Variants in PCNX2 observed in about 807,000 individuals in gnomAD.
PCNX2 encodes pecanex 2.
A neutral mutation model predicts 223.8 loss-of-function variants in PCNX2; 168 were observed. The observed-to-expected ratio is 0.75, with a 90% CI of 0.66 to 0.85. The LOEUF (loss-of-function observed/expected upper bound fraction) is 0.85, where lower values mean the gene tolerates loss of function less well. Among genes scored for constraint, PCNX2 ranks in the 40% least tolerant of loss-of-function variants. PCNX2 has a pLI of 0.00. For missense variants in PCNX2, 2,507 were observed against 2,675.5 expected (o/e 0.94, Z 1.39); for synonymous variants, 1,006 against 1,052.6 (o/e 0.96, Z 0.86).
intron 22 of PCNX2, 79 bp from the exon 23 acceptor site, chr1:233,090,269 T>C: frequency 6.7e-7 from 1 of 1,501,626 alleles, no homozygotes; most frequent in South Asian, 1.3e-5. Context: ...TTTGATGAGT[T>C]TTCACTAAAG....
In PCNX2 at chr1:233,017,463, G is replaced by A. The variant is rs574242420; in HGVS notation, c.4606-309C>T. 7.9e-5 allele frequency among the ~76,000 whole-genome samples: 12 copies of A among 151,812 alleles called. No individual in the cohort carries two copies. In the South Asian group the frequency reaches 8.4e-4, roughly 11 times the overall value. On this transcript the variant is annotated intron_variant, in intron 26 of 33. Transcript: ENST00000258229. ...CTCCCAAGTAGCTGGGACTACAGGC[G>A]CCCGCCACCACGCCCAGCTAATTTT...
At position 233,196,819 on chromosome 1, in the gene PCNX2, AACTT is replaced by A. The variant is rs147959176; in HGVS notation, c.3066+2116_3066+2119del. 2.1e-4 allele frequency among the ~76,000 whole-genome samples: 32 copies of A among 152,314 alleles called. 1 individual carries two copies. In the East Asian group the frequency reaches 5.2e-3, roughly 25 times the overall value. Reference sequence around the variant, plus strand: ...GCAATTTCTTATAAAGTTAAATAAAAACTTACCATGTGATCTAGCAATCTCACTC... The same window carrying A: ...GCAATTTCTTATAAAGTTAAATAAAAACCATGTGATCTAGCAATCTCACTC... On this transcript the variant is annotated intron_variant, in intron 15 of 33. Transcript: ENST00000258229.
intron 15 of PCNX2, among the ~76,000 whole-genome samples, chr1:233,186,132 G>A (rs1680082267): frequency 6.6e-6 from 1 of 152,162 alleles, no homozygotes; most frequent in African/African-American, 2.4e-5. Flanking sequence ...TGATTATAAA[G>A]TGAATATCAA....
chr1:233,230,741 A>T (rs1474698270), intron 9 of PCNX2, among the ~76,000 whole-genome samples: 1 of 152,176 alleles, frequency 6.6e-6, no homozygotes, highest in Non-Finnish European at 1.5e-5. Flanking sequence ...CCCCATATGG[A>T]TTAGTGTTTA....
intron 32 of PCNX2, among the ~76,000 whole-genome samples, chr1:232,988,165 A>G (rs1669560976): frequency 6.6e-6 from 1 of 152,244 alleles, no homozygotes; most frequent in Non-Finnish European, 1.5e-5. Context: ...AGTGTCTGGC[A>G]AGGCCGGACG....
chr1:233,314,230 T>A, the PCNX2 span, among the ~76,000 whole-genome samples: 2 of 151,994 alleles, frequency 1.3e-5, no homozygotes. Flanking sequence ...ACATATATAT[T>A]TAGAGAGAGA....
the PCNX2 span, among the ~76,000 whole-genome samples, chr1:233,302,970 A>G: frequency 6.6e-6 from 1 of 152,194 alleles, no homozygotes; most frequent in Non-Finnish European, 1.5e-5. Flanking sequence ...TCTGCACTCT[A>G]AAAGTGCAGT....
At chr1:233,166,603 A>G (rs372133188) in intron 17 of PCNX2, among the ~76,000 whole-genome samples, 1 of 152,206 alleles carries the variant, frequency 6.6e-6, no homozygotes, top group East Asian at 1.9e-4. Context: ...AGATATACAG[A>G]TGGCAAATGG....
chr1:232,987,980 C>T (rs1029730284), intron 32 of PCNX2, among the ~76,000 whole-genome samples: 1 of 152,232 alleles, frequency 6.6e-6, no homozygotes, highest in Non-Finnish European at 1.5e-5. Flanking sequence ...TGAGTGTGCT[C>T]AGCCCCTCGC....
At chr1:233,247,167 G>A (rs944616243) in intron 8 of PCNX2, among the ~76,000 whole-genome samples, 1 of 152,196 alleles carries the variant, frequency 6.6e-6, no homozygotes, top group Non-Finnish European at 1.5e-5. Context: ...TAAACAGATG[G>A]TAGTGCCTTA....
chr1:233,038,156 C>T (rs1671522147), intron 25 of PCNX2, among the ~76,000 whole-genome samples: 1 of 152,178 alleles, frequency 6.6e-6, no homozygotes. Flanking sequence ...TATTTATTTT[C>T]AACCAGCTCA....
intron 21 of PCNX2, chr1:233,112,944 C>G: frequency 7.8e-7 from 1 of 1,289,292 alleles, no homozygotes; most frequent in Non-Finnish European, 1.0e-6. Flanking sequence ...GGGAAATCAT[C>G]CTCTTTGTGT....
chr1:233,232,644 T>C (rs963578640), intron 9 of PCNX2, among the ~76,000 whole-genome samples: 1 of 152,250 alleles, frequency 6.6e-6, no homozygotes, highest in African/African-American at 2.4e-5. Context: ...CTCCTCTTTT[T>C]CATCTCCATA....
At position 233,001,831 on chromosome 1, in the gene PCNX2, C is replaced by G; in HGVS notation, c.4953-150G>C. On this transcript the variant is annotated intron_variant, in intron 28 of 33. Transcript: ENST00000258229. This position sits in a 1 kb window ranked among gnomAD's most constrained non-coding sequence, Gnocchi z 4.2. ...GATAACAGGACTCATCCCAGTGCAC[C>G]TAGTGCCTACCCCTACAGCCCATGT... 1.4e-6 allele frequency: 1 copy of G among 728,062 alleles called. No homozygotes were observed. 45.1% of individuals were successfully genotyped at this position (728,062 alleles called of 1,614,324 possible). A position where few individuals can be genotyped will look rare whatever the true frequency, so the allele number is the denominator to read the frequency against.
intron 25 of PCNX2, among the ~76,000 whole-genome samples, chr1:233,036,419 C>G (rs1671456123): frequency 1.3e-5 from 2 of 152,196 alleles, no homozygotes; most frequent in South Asian, 4.1e-4. Context: ...CACCTGAGGT[C>G]AGGAGTTCAA....
At chr1:233,045,039 C>T (rs1470046206) in intron 25 of PCNX2, among the ~76,000 whole-genome samples, 1 of 152,124 alleles carries the variant, frequency 6.6e-6, no homozygotes, top group Non-Finnish European at 1.5e-5. Context: ...ATAGGATGTG[C>T]CATGGACCTT....
At chr1:233,102,624 G>A (rs1355725731) in intron 21 of PCNX2, among the ~76,000 whole-genome samples, 1 of 152,086 alleles carries the variant, frequency 6.6e-6, no homozygotes, top group Non-Finnish European at 1.5e-5. Context: ...GTGATGTAGA[G>A]CACTTTTTCA....
intron 25 of PCNX2, among the ~76,000 whole-genome samples, chr1:233,029,593 T>C (rs889578650): frequency 6.6e-6 from 1 of 151,968 alleles, no homozygotes; most frequent in Non-Finnish European, 1.5e-5. Flanking sequence ...GTGATTATCT[T>C]AGCTTTTTTA....
At chr1:233,142,589 C>A (rs891079343) in intron 19 of PCNX2, among the ~76,000 whole-genome samples, 6 of 152,166 alleles carry the variant, frequency 3.9e-5, no homozygotes, top group African/African-American at 1.2e-4. Flanking sequence ...CTCACTCTGG[C>A]CTTTTCTGTA....
Sources: gnomAD v4.1 joint callset for allele counts (sites outside exome capture counted in the v4.1 genomes callset) on GRCh38, gnomAD v4.1.1 for gene constraint, Gnocchi (gnomAD v3.1) non-coding constraint, MANE v1.5 for transcripts, NCBI Gene and HGNC (gene_info 2026-07-23, HGNC 2026-07-21) for gene names.